Variants in CHD4 observed in about 807,000 individuals in gnomAD.
CHD4 encodes the protein ATP-dependent chromatin remodeler CHD4.
CHD4 carries 35 observed loss-of-function variants against 235.5 expected under a neutral mutation model. The ratio of observed to expected loss-of-function variants is 0.15; its 90% CI spans 0.11 to 0.20. CHD4 has a LOEUF of 0.20. Ranked by LOEUF, CHD4 falls within the 10% of genes least tolerant of loss-of-function variation. The probability of loss-of-function intolerance (pLI) is 1.00; values close to 1 mark genes in which losing one functional copy is unlikely to be tolerated. For synonymous variants in CHD4, 900 were observed against 850.2 expected (o/e 1.06, Z -1.02); for missense variants, 1,329 against 2,432.3 (o/e 0.55, Z 9.54).
In CHD4 at chr12:6,601,287, ACCTTTGCCCTCCTTGGT is replaced by A; in HGVS notation, c.784_799+1del. 6.2e-7 allele frequency: 1 copy of A among 1,612,816 alleles called. No homozygotes were observed. Among genetic ancestry groups the A allele is most frequent in the Non-Finnish European group, 8.5e-7 (1 of 1,179,196 alleles). On this transcript the variant is annotated splice_donor_variant and coding_sequence_variant, in exon 6 of 40. Coordinates refer to ENST00000544040, the MANE Select transcript of CHD4 (RefSeq NM_001273.5). LOFTEE classifies it high-confidence loss of function. ...CCCACTCCCATTTGAACCCCATTTC[ACCTTTGCCCTCCTTGGT>A]CTTGGCCTTGCGGATAGGCACCTCC...
In CHD4 at chr12:6,601,710, G is replaced by C; in HGVS notation, c.495C>G (p.His165Gln). Residue 165 changes from histidine (H) to glutamine (Q), a missense_variant, in exon 5 of 40, where the codon CAC becomes CAG. Coordinates refer to ENST00000544040, the MANE Select transcript of CHD4 (RefSeq NM_001273.5). ...TTCGATAATCCTCCTCTGAGAACAC[G>C]TGGTCAATGTCTTCCATGCCCCAGT... ...LEDWGMEDID[H>Q]VFSEEDYRTL... is the part of the protein sequence containing the mutation. 6.2e-7 allele frequency: 1 copy of C among 1,614,140 alleles called. No homozygotes were observed. Among genetic ancestry groups the C allele is most frequent in the Non-Finnish European group, 8.5e-7 (1 of 1,180,034 alleles).
At chr12:6,588,921 G>A (rs1441899257) in intron 22 of CHD4, among the ~76,000 whole-genome samples, 2 of 152,088 alleles carry the variant, frequency 1.3e-5, no homozygotes, top group South Asian at 2.1e-4. Flanking sequence ...CTCCAGCCTG[G>A]GCAACAGAGC....
rs200609075 is a variant in CHD4, at chr12:6,581,020, CA to C, written c.4909+23del. 121 of 1,605,684 alleles carry C rather than the reference CA, an allele frequency of 7.5e-5. No homozygotes were observed. In the African/African-American group the frequency reaches 1.1e-3, roughly 14 times the overall value. The stretch of plus-strand genomic sequence containing the variant: ...CACTGTCTCAAAACAAACAAACAAA[CA>C]AAAAAAATGTGGATACCTTTACCTT... On this transcript the variant is annotated intron_variant, in intron 33 of 39. Transcript: ENST00000544040.
chr12:6,572,313 C>A (rs1247311721), intron 38 of CHD4, among the ~76,000 whole-genome samples: 1 of 151,592 alleles, frequency 6.6e-6, no homozygotes, highest in East Asian at 1.9e-4. Flanking sequence ...GTAGTCCCAG[C>A]TACTCGGGAG....
intron 20 of CHD4, 39 bp from the exon 21 acceptor site, chr12:6,591,864 C>G: frequency 6.2e-7 from 1 of 1,613,826 alleles, no homozygotes; most frequent in South Asian, 1.1e-5. Context: ...TAAAAGAAAG[C>G]CCACATGGAG....
intron 8 of CHD4, 67 bp downstream of exon 8, chr12:6,600,467 C>T (rs1948569562): frequency 6.2e-7 from 1 of 1,603,688 alleles, no homozygotes; most frequent in Non-Finnish European, 8.5e-7. Flanking sequence ...CCCCTATCTC[C>T]TTAGGGAGAT....
intron 22 of CHD4, among the ~76,000 whole-genome samples, chr12:6,589,074 C>A (rs1276853020): frequency 6.6e-6 from 1 of 151,866 alleles, no homozygotes; most frequent in Non-Finnish European, 1.5e-5. Context: ...GTGGTGAAAC[C>A]CTGCCTACTA....
At chr12:6,595,768 A>C (rs956515375) in intron 13 of CHD4, among the ~76,000 whole-genome samples, 42 of 148,316 alleles carry the variant, frequency 2.8e-4, no homozygotes, top group Non-Finnish European at 4.4e-4. Context: ...AGCCTGGGGG[A>C]CAAGAGCAAG....
Position 6,583,070 on chromosome 12 carries a change from C to T in CHD4, c.4104G>A (p.Val1368=), listed in dbSNP as rs1948223534. 5.7e-6 allele frequency: 9 copies of T among 1,574,286 alleles called. No homozygotes were observed. In the South Asian group the frequency reaches 1.1e-4, roughly 19 times the overall value. The change falls in exon 27 of 40, where the codon GTG becomes GTA. Residue 1368 remains valine, a synonymous_variant. Transcript: ENST00000544040. The part of the protein sequence containing the change: ...DQSDNQSDYS[V]ASEEGDEDFD... Reference sequence around the variant, plus strand: ...AGTCTTCATCACCTTCCTCTGAAGCCACTGAGTAATCGGACTGGTTGTCGG... The same window carrying T: ...AGTCTTCATCACCTTCCTCTGAAGCTACTGAGTAATCGGACTGGTTGTCGG...
chr12:6,598,479 G>T, intron 10 of CHD4, 54 bp from the exon 11 acceptor site: 1 of 1,408,962 alleles, frequency 7.1e-7, no homozygotes, highest in Non-Finnish European at 9.7e-7. Flanking sequence ...GAGGAGAAGG[G>T]ACAGCCCACA....
intron 37 of CHD4, among the ~76,000 whole-genome samples, chr12:6,576,107 T>C (rs1035378292): frequency 2.0e-5 from 3 of 151,800 alleles, no homozygotes; most frequent in African/African-American, 7.3e-5. Flanking sequence ...GCCTGTTATC[T>C]CAGCACTTTG....
At chr12:6,596,890 C>T (rs986209908) in intron 12 of CHD4, among the ~76,000 whole-genome samples, 3 of 151,040 alleles carry the variant, frequency 2.0e-5, no homozygotes, top group African/African-American at 7.3e-5. Flanking sequence ...GCCTGAGAGG[C>T]GGAGGTTGCA....
At chr12:6,579,543 C>A in intron 33 of CHD4, 1 of 150,778 alleles carries the variant, frequency 6.6e-6, no homozygotes, top group Non-Finnish European at 1.5e-5. Context: ...AAGATCACAC[C>A]ACTGCACTGC....
chr12:6,595,950 C>T (rs1174144823), intron 13 of CHD4, 56 bp downstream of exon 13: 2 of 1,503,884 alleles, frequency 1.3e-6, no homozygotes, highest in Non-Finnish European at 1.8e-6. Flanking sequence ...GAGCAAGACT[C>T]CATCTCAAAA....
In CHD4 at chr12:6,600,322, G is replaced by A. The variant is rs187481499; in HGVS notation, c.1137C>T (p.Gly379=). 7.9e-5 allele frequency: 127 copies of A among 1,614,056 alleles called. No homozygotes were observed. The highest frequency in any genetic ancestry group is 9.3e-5 in the Non-Finnish European group (110 of 1,180,020). Residue 379 remains glycine, a synonymous_variant, in exon 9 of 40, where the codon GGC becomes GGT. Coordinates refer to ENST00000544040, the MANE Select transcript of CHD4 (RefSeq NM_001273.5). ...AGGTATCACACAGGATGATCTCACC[G>A]CCTTGCTGGCACACCTCGCAATAGT... is the stretch of plus-strand genomic sequence containing the variant. ...HQDYCEVCQQ[G]GEIILCDTCP...
chr12:6,570,782 T>C (rs369196306), intron 39 of CHD4, 87 bp downstream of exon 39: 125 of 1,611,542 alleles, frequency 7.8e-5, no homozygotes, highest in Non-Finnish European at 9.9e-5. Context: ...ACCCACCCAG[T>C]ATGTAAAGCT....
chr12:6,588,505 C>T (rs1366307931), intron 22 of CHD4, 83 bp from the exon 23 acceptor site: 9 of 1,505,570 alleles, frequency 6.0e-6, no homozygotes, highest in Non-Finnish European at 8.1e-6. Flanking sequence ...AAGCCGGGGG[C>T]AGTGGCTCAT....
At position 6,600,536 on chromosome 12, in the gene CHD4, T is replaced by C; in HGVS notation, c.1061A>G (p.Lys354Arg). 6.3e-7 allele frequency: 1 copy of C among 1,587,324 alleles called. No homozygotes were observed. The highest frequency in any genetic ancestry group is 2.3e-5 in the East Asian group (1 of 42,978). The change falls in exon 8 of 40, where the codon AAA becomes AGA. Residue 354 changes from lysine (K) to arginine (R), a missense_variant and splice_region_variant. Lys to Arg is a conservative substitution (Grantham distance 26). Around this residue, in one of 26 missense-constraint regions of CHD4, gnomAD observed 160 missense variants for 196.6 expected, o/e 0.81. Transcript: ENST00000544040. ...AAATATACAGAAGAGAAACACACCT[T>C]TCTTTTTCTTTTTAGTGGTTCGGAG... Reference protein sequence around the residue: ...KKLRTTKKKKKGEEEVTAVDG... With the variant: ...KKLRTTKKKKRGEEEVTAVDG...
Position 6,570,781 on chromosome 12 carries a change from G to T in CHD4, c.5721+88C>A, listed in dbSNP as rs1242283464. On this transcript the variant is annotated intron_variant, in intron 39 of 39. Transcript: ENST00000544040. ...AATTCACTGATAGGCCACCCACCCA[G>T]TATGTAAAGCTAGGGACATACAGCA... The T allele has an allele frequency of 1.9e-6, 3 of 1,611,476 alleles. No individual in the cohort carries two copies. The African/African-American group carries it at 4.0e-5, about 22-fold the overall frequency.
Sources: gnomAD v4.1 joint callset for allele counts (sites outside exome capture counted in the v4.1 genomes callset) on GRCh38, gnomAD v4.1.1 for gene constraint, gnomAD v4.1.1 regional missense constraint, MANE v1.5 for transcripts, NCBI Gene and HGNC (gene_info 2026-07-23, HGNC 2026-07-21) for gene names.